The following BBX variants were observed in gnomAD, a reference collection of about 807,000 sequenced individuals.
BBX encodes the protein BBX high mobility group box domain containing.
Under a neutral mutation model 100.2 loss-of-function variants are expected in BBX, and 30 were observed. That is an observed-to-expected ratio of 0.30 (90% CI 0.22 to 0.41). The LOEUF is 0.41. Among genes scored for constraint, BBX ranks in the 10% least tolerant of loss-of-function variants. The pLI is 1.00. For synonymous variants in BBX, 376 were observed against 388.1 expected (o/e 0.97, Z 0.37); for missense variants, 1,023 against 1,129.8 (o/e 0.91, Z 1.35).
At chr3:107,744,732 T>G (rs2064423458) in intron 8 of BBX, 22 bp downstream of exon 8, 4 of 1,585,442 alleles carry the variant, frequency 2.5e-6, no homozygotes, top group Non-Finnish European at 2.6e-6. Flanking sequence ...CAATTGATAC[T>G]TAACTAATGA....
In BBX at chr3:107,809,479, C is replaced by G. The variant is rs2108095535; in HGVS notation, c.*4022C>G. 6.6e-6 allele frequency: 1 copy of G among 152,356 alleles called. No individual in the cohort carries two copies. Among genetic ancestry groups the G allele is most frequent in the South Asian group, 2.1e-4 (1 of 4,820 alleles). The allele number at this position is 152,356 out of a possible 1,614,324, so 9.4% of individuals were successfully genotyped here. ...GGGGTGTGATGCTGTTGAGGAGATT[C>G]ACCTTCAATTGCACTGCTCCACAGA... On this transcript the variant is annotated 3_prime_UTR_variant, in exon 18 of 18. Coordinates refer to ENST00000325805, the MANE Select transcript of BBX (RefSeq NM_001142568.3).
Position 107,611,149 on chromosome 3 carries a change from C to G in BBX, c.-83-34687C>G, listed in dbSNP as rs988591642. On this transcript the variant is annotated intron_variant, in intron 2 of 17. Transcript: ENST00000325805. ...AAAACTGTATGCTTTAATTTCATAT[C>G]CCCACTTTTTAACATTTTGCTTTTT... Among the ~76,000 whole-genome samples, 3 of 152,060 alleles carry G rather than the reference C, an allele frequency of 2.0e-5. No homozygotes were observed. The South Asian group carries it at 6.2e-4, about 32-fold the overall frequency.
intron 2 of BBX, among the ~76,000 whole-genome samples, chr3:107,568,564 C>T (rs766408781): frequency 6.6e-6 from 1 of 152,124 alleles, no homozygotes; most frequent in Non-Finnish European, 1.5e-5. Context: ...CGACCATTTT[C>T]TGCTCTTTTC....
intron 8 of BBX, among the ~76,000 whole-genome samples, chr3:107,747,068 C>T (rs539458479): frequency 7.9e-5 from 12 of 152,122 alleles, no homozygotes; most frequent in Non-Finnish European, 1.3e-4. Flanking sequence ...ATTACTAACT[C>T]ACCTTGCTCC....
At chr3:107,524,690 C>G (rs1047258900) in intron 1 of BBX, 3 of 143,500 alleles carry the variant, frequency 2.1e-5, no homozygotes, top group African/African-American at 7.9e-5. Context: ...GAAAATAAAG[C>G]GTGCATTCCC....
intron 3 of BBX, among the ~76,000 whole-genome samples, chr3:107,704,584 A>G (rs1453937650): frequency 6.6e-6 from 1 of 152,234 alleles, no homozygotes; most frequent in African/African-American, 2.4e-5. Flanking sequence ...CAGAAGAGCA[A>G]GAGAGGATGA....
At chr3:107,604,733 T>C (rs917105531) in intron 2 of BBX, among the ~76,000 whole-genome samples, 2 of 151,996 alleles carry the variant, frequency 1.3e-5, no homozygotes, top group Non-Finnish European at 2.9e-5. Context: ...CATGCTTACA[T>C]GGCTTTCCCA....
intron 3 of BBX, among the ~76,000 whole-genome samples, chr3:107,658,205 A>G (rs1040181253): frequency 3.3e-5 from 5 of 152,162 alleles, no homozygotes; most frequent in African/African-American, 9.7e-5. Context: ...TGAGTAATCC[A>G]TAATGATTTA....
chr3:107,638,756 A>G, intron 2 of BBX, among the ~76,000 whole-genome samples: 1 of 76,610 alleles, frequency 1.3e-5, no homozygotes, highest in South Asian at 5.6e-4. Context: ...CCACTCCTCT[A>G]CCAAAAAAAA....
chr3:107,754,848 C>G (rs1014921852), intron 9 of BBX, among the ~76,000 whole-genome samples: 2 of 152,170 alleles, frequency 1.3e-5, no homozygotes, highest in African/African-American at 4.8e-5. Flanking sequence ...CTTCTCAGCT[C>G]TTATTGAGGC....
intron 3 of BBX, among the ~76,000 whole-genome samples, chr3:107,678,232 C>T (rs2059386360): frequency 2.6e-5 from 4 of 151,348 alleles, no homozygotes; most frequent in African/African-American, 9.7e-5. Flanking sequence ...TATATTTTGC[C>T]CCCCACCCCC....
chr3:107,711,289 T>C, intron 4 of BBX: 1 of 470,846 alleles, frequency 2.1e-6, no homozygotes, highest in Non-Finnish European at 4.4e-6. Context: ...GAATAGAAGC[T>C]CAGTATAAGA....
intron 2 of BBX, among the ~76,000 whole-genome samples, chr3:107,544,495 A>G (rs1196579971): frequency 6.6e-6 from 1 of 152,202 alleles, no homozygotes; most frequent in Non-Finnish European, 1.5e-5. Context: ...TTAAAACATC[A>G]CATCTGGAAA....
chr3:107,643,893 C>G (rs1046908851), intron 2 of BBX, among the ~76,000 whole-genome samples: 4 of 152,146 alleles, frequency 2.6e-5, no homozygotes, highest in African/African-American at 9.7e-5. Context: ...TTATCACAGG[C>G]AGGACCCTCA....
rs1405124182 is a variant in BBX, at chr3:107,526,340, G to A, written c.-142G>A. Reference sequence around the variant, plus strand: ...GATACTTTATAGGTCACTATCATATGACAAAGGCTTTGCCGCAGTTCATCT... The same window carrying A: ...GATACTTTATAGGTCACTATCATATAACAAAGGCTTTGCCGCAGTTCATCT... On this transcript the variant is annotated 5_prime_UTR_variant, in exon 2 of 18. It removes an upstream start codon present in the reference 5' UTR. Coordinates refer to ENST00000325805, the MANE Select transcript of BBX (RefSeq NM_001142568.3). 3 of 398,506 alleles carry A rather than the reference G, an allele frequency of 7.5e-6. No homozygotes were observed. Among genetic ancestry groups the A allele is most frequent in the Non-Finnish European group, 1.3e-5 (3 of 226,088 alleles). 24.7% of individuals were successfully genotyped at this position (398,506 alleles called of 1,614,324 possible). A position where few individuals can be genotyped will look rare whatever the true frequency, so the allele number is the denominator to read the frequency against.
At chr3:107,599,824 C>T (rs1463917342) in intron 2 of BBX, among the ~76,000 whole-genome samples, 1 of 152,078 alleles carries the variant, frequency 6.6e-6, no homozygotes, top group African/African-American at 2.4e-5. Context: ...TAGTCAAATC[C>T]ACAGTGTTAT....
intron 3 of BBX, among the ~76,000 whole-genome samples, chr3:107,682,728 A>AT (rs2059632821): frequency 6.6e-6 from 1 of 152,164 alleles, no homozygotes; most frequent in South Asian, 2.1e-4. Context: ...TACTGAAACT[A>AT]TAAGATGTCC....
chr3:107,581,903 T>C, intron 2 of BBX, among the ~76,000 whole-genome samples: 1 of 152,184 alleles, frequency 6.6e-6, no homozygotes, highest in Non-Finnish European at 1.5e-5. Context: ...AGAATCTAGA[T>C]TACCTTTATC....
intron 2 of BBX, among the ~76,000 whole-genome samples, chr3:107,570,163 A>G (rs746643299): frequency 1.6e-4 from 25 of 152,154 alleles, no homozygotes; most frequent in Non-Finnish European, 3.7e-4. Context: ...GGCGTTATGA[A>G]GTTCTTGTGT....
Sources: gnomAD v4.1 joint callset for allele counts (sites outside exome capture counted in the v4.1 genomes callset) on GRCh38, gnomAD v4.1.1 for gene constraint, MANE v1.5 for transcripts, NCBI Gene and HGNC (gene_info 2026-07-23, HGNC 2026-07-21) for gene names.